The following IDNK variants were observed in gnomAD, a reference collection of about 807,000 sequenced individuals.
IDNK encodes IDNK gluconokinase.
IDNK carries 9 observed loss-of-function variants against 13.0 expected under a neutral mutation model. The observed-to-expected ratio is 0.69, with a 90% confidence interval of 0.42 to 1.21. The LOEUF is 1.21. Ranked by LOEUF, IDNK falls within the 50% of genes most tolerant of loss-of-function variation. The pLI, the probability that IDNK is intolerant of heterozygous loss-of-function variation, is 0.00. For missense variants in IDNK, 210 were observed against 237.8 expected, an observed-to-expected ratio of 0.88 and a Z score of 0.77; for synonymous variants, 92 against 94.9, an observed-to-expected ratio of 0.97 and a Z score of 0.18.
chr9:83,638,269 T>A (rs12342901), intron 3 of IDNK, among the ~76,000 whole-genome samples: 29,993 of 151,822 alleles, frequency 0.2, 3,212 homozygotes, highest in African/African-American at 0.25. Flanking sequence ...ATAGGAAAAT[T>A]TGAAAAAGAA....
chr9:83,628,232 C>A, intron 2 of IDNK, 21 bp downstream of exon 2: 1 of 1,534,446 alleles, frequency 6.5e-7, no homozygotes, highest in Non-Finnish European at 8.8e-7. Flanking sequence ...TGTCCTAATG[C>A]CTTCCGAGTG....
chr9:83,635,408 TTAG>T (rs1283442419), intron 3 of IDNK, among the ~76,000 whole-genome samples: 2 of 152,198 alleles, frequency 1.3e-5, no homozygotes, highest in Admixed American at 6.5e-5. Context: ...AGACCATGCA[TTAG>T]TAGGAAAAGG....
chr9:83,635,487 T>C (rs1831139129), intron 3 of IDNK, among the ~76,000 whole-genome samples: 1 of 152,202 alleles, frequency 6.6e-6, no homozygotes, highest in African/African-American at 2.4e-5. Context: ...GGACAGTGCT[T>C]CACATTTCAA....
rs57832482 is a variant in IDNK, at chr9:83,631,451, G to GAA, written c.168+2510_168+2511dup. The stretch of plus-strand genomic sequence containing the variant: ...GCAAGTCCCTGCCTCTACAAAAACT[G>GAA]AAAAAAAAAAAAAAAAAAAGGCTGG... On this transcript the variant is annotated intron_variant, in intron 3 of 4. Coordinates refer to ENST00000376419, the MANE Select transcript of IDNK (RefSeq NM_001001551.4). Among the ~76,000 whole-genome samples the GAA allele has an allele frequency of 1.3e-3, 75 of 56,922 alleles. 3 individuals carry two copies. Among genetic ancestry groups the GAA allele is most frequent in the Admixed American group, 1.7e-3 (6 of 3,474 alleles). 37.3% of individuals were successfully genotyped at this position (56,922 alleles called of 152,430 possible).
At chr9:83,623,574 G>A (rs901766984) in intron 1 of IDNK, 3 of 291,524 alleles carry the variant, frequency 1.0e-5, no homozygotes, top group South Asian at 3.4e-5. Context: ...GCCTTGTCGG[G>A]GCCAGGCGGG....
chr9:83,623,303 G>A, intron 1 of IDNK, 82 bp downstream of exon 1: 1 of 1,234,876 alleles, frequency 8.1e-7, no homozygotes, highest in Non-Finnish European at 1.1e-6. Context: ...GTCCCTGCCG[G>A]TGGACTGGGG....
chr9:83,630,829 G>T (rs546455537), intron 3 of IDNK, among the ~76,000 whole-genome samples: 7 of 152,220 alleles, frequency 4.6e-5, no homozygotes, highest in African/African-American at 1.7e-4. Context: ...TGGACTCTAT[G>T]GATTGGGGGG....
chr9:83,625,805 A>G (rs1830832944), intron 1 of IDNK, among the ~76,000 whole-genome samples: 1 of 152,210 alleles, frequency 6.6e-6, no homozygotes, highest in Admixed American at 6.5e-5. Context: ...TAAGTTTGTT[A>G]CTGTCTTCCC....
intron 3 of IDNK, among the ~76,000 whole-genome samples, chr9:83,640,405 A>G (rs572709469): frequency 7.2e-5 from 11 of 152,358 alleles, no homozygotes; most frequent in African/African-American, 2.2e-4. Flanking sequence ...ATAAAACGGT[A>G]GTAATCAAAT....
intron 1 of IDNK, among the ~76,000 whole-genome samples, chr9:83,624,701 C>CT (rs1209321017): frequency 6.1e-5 from 7 of 115,196 alleles, no homozygotes; most frequent in African/African-American, 2.8e-4. Flanking sequence ...GGCTTAGCTT[C>CT]TTTTGTTTTT....
At chr9:83,623,051 G>T, upstream of IDNK, 1 of 665,932 alleles carries the variant, frequency 1.5e-6, no homozygotes, top group Non-Finnish European at 2.2e-6. Flanking sequence ...AACGGGGAGG[G>T]CGCAGAGGGG....
intron 3 of IDNK, among the ~76,000 whole-genome samples, chr9:83,632,392 C>T (rs550192657): frequency 2.6e-5 from 4 of 152,088 alleles, no homozygotes; most frequent in Admixed American, 1.3e-4. Flanking sequence ...TGCTCACCTC[C>T]GAGCACTGGG....
intron 1 of IDNK, among the ~76,000 whole-genome samples, chr9:83,625,019 C>T (rs1163045302): frequency 6.6e-6 from 1 of 152,152 alleles, no homozygotes; most frequent in African/African-American, 2.4e-5. Flanking sequence ...CCAGCTAAGG[C>T]TTGGCTTCTT....
rs760620577 is a variant in IDNK, at chr9:83,633,827, G to C, written c.168+4868G>C. 1.1e-3 allele frequency among the ~76,000 whole-genome samples: 169 copies of C among 152,156 alleles called. 1 individual carries two copies. Among genetic ancestry groups the C allele is most frequent in the Non-Finnish European group, 1.7e-3 (116 of 68,028 alleles). ...ATCATACTTCTCCTACTGTGTTAAA[G>C]GCCCTGATCATCCAACCATTAAACA... On this transcript the variant is annotated intron_variant, in intron 3 of 4. Transcript: ENST00000376419.
At chr9:83,639,639 C>T (rs1413293) in intron 3 of IDNK, among the ~76,000 whole-genome samples, 123,015 of 152,118 alleles carry the variant, frequency 0.81, 50,146 homozygotes, top group African/African-American at 0.9. Flanking sequence ...TTAGACAAAA[C>T]TGGATAATTT....
chr9:83,631,068 T>C (rs961267826), intron 3 of IDNK, among the ~76,000 whole-genome samples: 3 of 152,148 alleles, frequency 2.0e-5, no homozygotes, highest in African/African-American at 7.2e-5. Flanking sequence ...ACTGAAGATA[T>C]GGGTCACAGC....
At chr9:83,629,199 CTTG>C (rs1386798649) in intron 3 of IDNK, among the ~76,000 whole-genome samples, 2 of 152,156 alleles carry the variant, frequency 1.3e-5, no homozygotes, top group Non-Finnish European at 2.9e-5. Context: ...GCCAAAACAC[CTTG>C]TTGTGGGATT....
At chr9:83,631,360 A>G (rs1214218873) in intron 3 of IDNK, among the ~76,000 whole-genome samples, 2 of 149,962 alleles carry the variant, frequency 1.3e-5, no homozygotes, top group East Asian at 2.0e-4. Context: ...GCTCAAGCCT[A>G]TAATCCCAGC....
rs150119668 is a variant in IDNK, at chr9:83,623,356, G to A, written c.50+135G>A. 2.9e-4 allele frequency: 252 copies of A among 868,344 alleles called. No individual in the cohort carries two copies. In the African/African-American group the frequency reaches 3.9e-3, roughly 13 times the overall value. 53.8% of individuals were successfully genotyped at this position (868,344 alleles called of 1,614,324 possible). A position where few individuals can be genotyped will look rare whatever the true frequency, so the allele number is the denominator to read the frequency against. ...CCTTCCCTTTGCAGATGAAGAAACC[G>A]AGGCCCGCGGCTGCCGCGCCCTCTC... On this transcript the variant is annotated intron_variant, in intron 1 of 4. Transcript: ENST00000376419.
Sources: gnomAD v4.1 joint callset for allele counts (sites outside exome capture counted in the v4.1 genomes callset) on GRCh38, gnomAD v4.1.1 for gene constraint, MANE v1.5 for transcripts, NCBI Gene and HGNC (gene_info 2026-07-23, HGNC 2026-07-21) for gene names.